The following SLCO6A1 variants were observed in gnomAD, a reference collection of about 807,000 sequenced individuals.
SLCO6A1 encodes solute carrier organic anion transporter family member 6A1.
In SLCO6A1, 65 loss-of-function variants were observed where a neutral mutation model predicts 72.7. The ratio of observed to expected loss-of-function variants is 0.89; its 90% CI spans 0.73 to 1.10. The LOEUF (loss-of-function observed/expected upper bound fraction) is 1.10, where lower values mean the gene tolerates loss of function less well. Ranked by LOEUF, SLCO6A1 falls within the 50% of genes least tolerant of loss-of-function variation. The pLI is 0.00. For synonymous variants in SLCO6A1, 314 were observed against 298.2 expected (o/e 1.05, Z -0.55); for missense variants, 874 against 872.6 (o/e 1.00, Z -0.02).
intron 4 of SLCO6A1, among the ~76,000 whole-genome samples, chr5:102,474,225 C>T (rs1040551951): frequency 4.7e-4 from 72 of 151,764 alleles, no homozygotes; most frequent in African/African-American, 1.7e-3. Flanking sequence ...GTATAAAGAC[C>T]GACACACAGA....
chr5:102,491,796 G>C (rs567107049), intron 1 of SLCO6A1, among the ~76,000 whole-genome samples: 2 of 152,244 alleles, frequency 1.3e-5, no homozygotes, highest in African/African-American at 4.8e-5. Context: ...GGGCTCCCAC[G>C]GAGCTGCGGC....
intron 12 of SLCO6A1, among the ~76,000 whole-genome samples, chr5:102,381,890 C>A (rs892543355): frequency 2.6e-5 from 4 of 151,340 alleles, no homozygotes; most frequent in Non-Finnish European, 5.9e-5. Context: ...CCTTTCATGT[C>A]CTTTGTTCAT....
rs183378637 is a variant in SLCO6A1 at position 102,388,165 on chromosome 5, A to T, written c.2017+523T>A. 5.8e-4 allele frequency among the ~76,000 whole-genome samples: 89 copies of T among 152,176 alleles called. No individual in the cohort carries two copies. The East Asian group carries it at 0.016, about 27-fold the overall frequency. On this transcript the variant is annotated intron_variant, in intron 12 of 13. Coordinates refer to ENST00000506729, the MANE Select transcript of SLCO6A1 (RefSeq NM_173488.5). The stretch of plus-strand genomic sequence containing the variant: ...GTAGAAAGGGTTACAAGGTCAAGAA[A>T]TTTTTTTGTATATGTACCTGGGCAA...
chr5:102,493,148 A>G (rs1752759267), intron 1 of SLCO6A1, among the ~76,000 whole-genome samples: 1 of 142,096 alleles, frequency 7.0e-6, no homozygotes, highest in Non-Finnish European at 1.5e-5. Flanking sequence ...GAAGGGGAAA[A>G]ACATCCCAAT....
intron 4 of SLCO6A1, among the ~76,000 whole-genome samples, chr5:102,473,033 A>G (rs921810219): frequency 6.6e-6 from 1 of 152,040 alleles, no homozygotes. Flanking sequence ...GCTTCACTGG[A>G]GAACCGTACC....
Position 102,373,482 on chromosome 5 carries a change from T to G in SLCO6A1, c.2030A>C (p.Lys677Thr). The change falls in exon 13 of 14, where the codon AAA becomes ACA. Residue 677 changes from lysine to threonine, a missense_variant. Transcript: ENST00000506729. ...FLLVGICFLC[K>T]LCTIIFTTIA... The stretch of plus-strand genomic sequence containing the variant: ...AGTAGTGAAGATGATAGTGCATAGT[T>G]TGCAAAGAAAACCTAAATTTAAAAA... 6.8e-7 allele frequency: 1 copy of G among 1,477,472 alleles called. No individual in the cohort carries two copies. Among genetic ancestry groups the G allele is most frequent in the South Asian group, 1.5e-5 (1 of 64,974 alleles). 91.5% of individuals were successfully genotyped at this position (1,477,472 alleles called of 1,614,324 possible).
Position 102,443,815 on chromosome 5 carries a change from T to C in SLCO6A1, c.1132-5054A>G, listed in dbSNP as rs148433262. Among the ~76,000 whole-genome samples the C allele has an allele frequency of 3.3e-4, 51 of 152,326 alleles. 1 individual carries two copies. The East Asian group carries it at 8.9e-3, about 27-fold the overall frequency. On this transcript the variant is annotated intron_variant, in intron 6 of 13. Coordinates refer to ENST00000506729, the MANE Select transcript of SLCO6A1 (RefSeq NM_173488.5). Reference sequence around the variant, plus strand: ...CAGGGAAAGGTGAAAGCCAGATAGATATACAAATAAATATACAAAGAGTTT... The same window carrying C: ...CAGGGAAAGGTGAAAGCCAGATAGACATACAAATAAATATACAAAGAGTTT...
Position 102,498,649 on chromosome 5 carries a change from T to C in SLCO6A1, c.196A>G (p.Lys66Glu). 1 of 1,614,244 alleles carries C rather than the reference T, an allele frequency of 6.2e-7. No individual in the cohort carries two copies. ...ACTGAGGACTTGGCTTTTTTCCTTT[T>C]TCGGAAACCGCCGAACCTTATCAAG... ...EALIRFGGFR[K>E]RKKAKSSVSK... Residue 66 changes from lysine to glutamate, a missense_variant, in exon 1 of 14, where the codon AAA becomes GAA. By Grantham distance (56) the Lys-to-Glu change is moderately conservative (BLOSUM62 1). Transcript: ENST00000506729.
intron 6 of SLCO6A1, among the ~76,000 whole-genome samples, chr5:102,447,251 C>A (rs1750163769): frequency 6.6e-6 from 1 of 152,098 alleles, no homozygotes; most frequent in African/African-American, 2.4e-5. Context: ...TTGACATGCA[C>A]CTGGATTCAG....
intron 10 of SLCO6A1, among the ~76,000 whole-genome samples, chr5:102,397,650 G>A (rs1012955349): frequency 5.9e-5 from 9 of 152,044 alleles, no homozygotes; most frequent in East Asian, 1.9e-4. Context: ...CAGAAGGTCC[G>A]TATCAAGACC....
chr5:102,487,625 C>T (rs1467896476), intron 1 of SLCO6A1, among the ~76,000 whole-genome samples: 1 of 152,166 alleles, frequency 6.6e-6, no homozygotes, highest in African/African-American at 2.4e-5. Flanking sequence ...CAAGTCGCAG[C>T]ATGGACCATC....
At position 102,420,968 on chromosome 5, in the gene SLCO6A1, C is replaced by T. The variant is rs111864641; in HGVS notation, c.1277-947G>A. Among the ~76,000 whole-genome samples the T allele has an allele frequency of 6.8e-3, 1,041 of 152,144 alleles. 9 individuals carry two copies. Among genetic ancestry groups the T allele is most frequent in the African/African-American group, 0.024 (975 of 41,488 alleles). ...GATAGCGGGTGTAGCCCACGGAGGC[C>T]GAGCAGAAGCAGGGTGGGGAATCAC... On this transcript the variant is annotated intron_variant, in intron 7 of 13. Transcript: ENST00000506729.
chr5:102,457,707 A>T (rs1381241428), intron 6 of SLCO6A1, among the ~76,000 whole-genome samples: 1 of 152,182 alleles, frequency 6.6e-6, no homozygotes, highest in African/African-American at 2.4e-5. Context: ...TTCCTCAGAG[A>T]TCTAGAACTA....
intron 4 of SLCO6A1, among the ~76,000 whole-genome samples, chr5:102,462,242 C>T (rs1751075530): frequency 6.6e-6 from 1 of 152,130 alleles, no homozygotes; most frequent in African/African-American, 2.4e-5. Context: ...ATAGGTGACA[C>T]AAATGAATGG....
chr5:102,461,330 C>G (rs1323922399), intron 4 of SLCO6A1, among the ~76,000 whole-genome samples: 1 of 151,904 alleles, frequency 6.6e-6, no homozygotes, highest in African/African-American at 2.4e-5. Context: ...AATAGTGTAA[C>G]ATACCATATG....
rs1012688324 is a variant in SLCO6A1, at chr5:102,428,100, G to A, written c.1277-8079C>T. Among the ~76,000 whole-genome samples the A allele has an allele frequency of 4.0e-5, 6 of 151,460 alleles. No individual in the cohort carries two copies. In the South Asian group the frequency reaches 1.2e-3, roughly 31 times the overall value. On this transcript the variant is annotated intron_variant, in intron 7 of 13. Transcript: ENST00000506729. Reference sequence around the variant, plus strand: ...TTGGCCAAGCTGGTCTTGAACTCCTGACAAGTGATCCACCCACCTCAGCCT... The same window carrying A: ...TTGGCCAAGCTGGTCTTGAACTCCTAACAAGTGATCCACCCACCTCAGCCT...
At chr5:102,403,944 T>C (rs1266740751) in intron 9 of SLCO6A1, among the ~76,000 whole-genome samples, 1 of 152,162 alleles carries the variant, frequency 6.6e-6, no homozygotes, top group East Asian at 1.9e-4. Context: ...TCTAATTATT[T>C]TTCTACTTTT....
chr5:102,445,102 G>A (rs566254240), intron 6 of SLCO6A1, among the ~76,000 whole-genome samples: 1 of 152,242 alleles, frequency 6.6e-6, no homozygotes, highest in South Asian at 2.1e-4. Flanking sequence ...ATGGATTGCT[G>A]GGTCAAATGG....
intron 4 of SLCO6A1, among the ~76,000 whole-genome samples, chr5:102,470,782 G>T (rs1948807): frequency 3.3e-5 from 5 of 151,782 alleles, no homozygotes; most frequent in African/African-American, 1.2e-4. Flanking sequence ...GCTGGTACTG[G>T]GGAGCATCTC....
Sources: gnomAD v4.1 joint callset for allele counts (sites outside exome capture counted in the v4.1 genomes callset) on GRCh38, gnomAD v4.1.1 for gene constraint, MANE v1.5 for transcripts, NCBI Gene and HGNC (gene_info 2026-07-23, HGNC 2026-07-21) for gene names.